The following UNC5D variants were observed in gnomAD, a reference collection of about 807,000 sequenced individuals.
UNC5D encodes netrin receptor UNC5D.
In UNC5D, 39 loss-of-function variants were observed where a neutral mutation model predicts 105.4. The ratio of observed to expected loss-of-function variants is 0.37; its 90% CI spans 0.29 to 0.48. The LOEUF is 0.48. Among genes scored for constraint, UNC5D ranks in the 20% least tolerant of loss-of-function variants. UNC5D has a pLI of 0.98. For missense variants in UNC5D, 991 were observed against 1,202.4 expected, an observed-to-expected ratio of 0.82 and a Z score of 2.60; for synonymous variants, 452 against 450.4, an observed-to-expected ratio of 1.00 and a Z score of -0.04.
At chr8:35,759,523 T>C (rs1801425011) in intron 14 of UNC5D, 54 bp downstream of exon 14, 2 of 1,578,220 alleles carry the variant, frequency 1.3e-6, no homozygotes, top group African/African-American at 1.4e-5. Context: ...CCGGCAAGCA[T>C]GTCACAGATC....
At chr8:35,461,958 C>G (rs1023824667) in intron 1 of UNC5D, among the ~76,000 whole-genome samples, 1 of 152,134 alleles carries the variant, frequency 6.6e-6, no homozygotes, top group Non-Finnish European at 1.5e-5. Flanking sequence ...TTTAGAGGTT[C>G]TTCAGTTCAG....
chr8:35,667,965 C>T (rs1403559630), intron 4 of UNC5D, among the ~76,000 whole-genome samples: 2 of 152,048 alleles, frequency 1.3e-5, no homozygotes, highest in African/African-American at 2.4e-5. Context: ...CTACTGGAGT[C>T]AGTGGAATTT....
intron 4 of UNC5D, among the ~76,000 whole-genome samples, chr8:35,666,350 C>T (rs1328497625): frequency 1.3e-5 from 2 of 150,750 alleles, no homozygotes; most frequent in Non-Finnish European, 2.9e-5. Context: ...TCTTCCAAAG[C>T]GATATTAATA....
At chr8:35,435,044 A>T (rs1242438425) in intron 1 of UNC5D, among the ~76,000 whole-genome samples, 1 of 152,048 alleles carries the variant, frequency 6.6e-6, no homozygotes, top group Admixed American at 6.6e-5. Flanking sequence ...AAAGTTAAAG[A>T]TCTTAAACTT....
chr8:35,417,479 G>A (rs1181515424), intron 1 of UNC5D, among the ~76,000 whole-genome samples: 1 of 151,562 alleles, frequency 6.6e-6, no homozygotes, highest in Non-Finnish European at 1.5e-5. Flanking sequence ...TGGCTAAGGA[G>A]TGGGCTGTAC....
chr8:35,428,346 ATTTTT>A (rs35131097), intron 1 of UNC5D, among the ~76,000 whole-genome samples: 4 of 92,778 alleles, frequency 4.3e-5, no homozygotes, highest in South Asian at 4.0e-4. Flanking sequence ...ATGCCTGGCT[ATTTTT>A]TTTTTTTTTT....
intron 7 of UNC5D, among the ~76,000 whole-genome samples, chr8:35,699,014 TG>T (rs1211327752): frequency 1.3e-5 from 2 of 152,218 alleles, no homozygotes; most frequent in Non-Finnish European, 2.9e-5. Flanking sequence ...CATTGCATTT[TG>T]TCACGTTGAG....
chr8:35,635,629 A>G (rs1215948763), intron 4 of UNC5D, among the ~76,000 whole-genome samples: 1 of 152,166 alleles, frequency 6.6e-6, no homozygotes, highest in Non-Finnish European at 1.5e-5. Context: ...CCTGCCATAA[A>G]TAGCACATGC....
chr8:35,432,129 G>A (rs1806686168), intron 1 of UNC5D, among the ~76,000 whole-genome samples: 1 of 152,014 alleles, frequency 6.6e-6, no homozygotes, highest in African/African-American at 2.4e-5. Flanking sequence ...TGTGACCTTA[G>A]GTAAGTTATT....
At chr8:35,440,328 G>A (rs970155263) in intron 1 of UNC5D, among the ~76,000 whole-genome samples, 3 of 152,064 alleles carry the variant, frequency 2.0e-5, no homozygotes, top group East Asian at 1.9e-4. Context: ...CACTGTTAGC[G>A]AGTGCATTCT....
chr8:35,419,211 C>G (rs1528721), intron 1 of UNC5D, among the ~76,000 whole-genome samples: 64,296 of 152,058 alleles, frequency 0.42, 13,743 homozygotes, highest in East Asian at 0.54. Flanking sequence ...TCTTTTGAAT[C>G]TTTGTGACCA....
In UNC5D at chr8:35,726,497, A is replaced by T; in HGVS notation, c.1649A>T (p.His550Leu). The change falls in exon 10 of 17, where the codon CAT (histidine) becomes CTT (leucine). Residue 550 changes from histidine to leucine, a missense_variant. Physicochemically the swap from His to Leu is moderately conservative, Grantham distance 99. Coordinates refer to ENST00000404895, the MANE Select transcript of UNC5D (RefSeq NM_080872.4). ...TELRTTGVFGHLGGRLVMPNT... is the reference protein window; with the variant it reads ...TELRTTGVFGLLGGRLVMPNT... ...CTGAGGACAACTGGTGTCTTTGGCC[A>T]TTTAGGGGGGCGCTTAGTAATGCCA... is the stretch of plus-strand genomic sequence containing the variant. The T allele has an allele frequency of 6.2e-7, 1 of 1,613,700 alleles. No individual in the cohort carries two copies. Among genetic ancestry groups the T allele is most frequent in the Non-Finnish European group, 8.5e-7 (1 of 1,179,998 alleles).
intron 4 of UNC5D, among the ~76,000 whole-genome samples, chr8:35,639,561 A>C (rs947448494): frequency 1.3e-5 from 2 of 152,158 alleles, no homozygotes; most frequent in Non-Finnish European, 2.9e-5. Flanking sequence ...GTAATATTAA[A>C]TCTTAATCCT....
rs920195740 is a variant in UNC5D at position 35,519,110 on chromosome 8, G to T, written c.104-30182G>T. Among the ~76,000 whole-genome samples, 15 of 151,674 alleles carry T rather than the reference G, an allele frequency of 9.9e-5. No individual in the cohort carries two copies. In the East Asian group the frequency reaches 1.9e-3, roughly 20 times the overall value. On this transcript the variant is annotated intron_variant, in intron 1 of 16. Coordinates refer to ENST00000404895, the MANE Select transcript of UNC5D (RefSeq NM_080872.4). ...ATTTAAAGTACTTTTTTTTCCTTTA[G>T]CCTGCATGAGTCTAGTCTCTTTAGC...
At chr8:35,625,021 T>C (rs1428099060) in intron 4 of UNC5D, among the ~76,000 whole-genome samples, 2 of 152,218 alleles carry the variant, frequency 1.3e-5, no homozygotes, top group African/African-American at 4.8e-5. Context: ...TATGTGTGTA[T>C]GAATCTGAGC....
At chr8:35,703,387 A>C (rs539212196) in intron 7 of UNC5D, among the ~76,000 whole-genome samples, 1 of 152,210 alleles carries the variant, frequency 6.6e-6, no homozygotes, top group Non-Finnish European at 1.5e-5. Context: ...TACTGAGGAC[A>C]CACGGAATGT....
At chr8:35,698,945 A>G (rs560455519) in intron 7 of UNC5D, among the ~76,000 whole-genome samples, 1 of 152,110 alleles carries the variant, frequency 6.6e-6, no homozygotes, top group Non-Finnish European at 1.5e-5. Flanking sequence ...AAAGCAAAAG[A>G]ATTCATAGGT....
At chr8:35,447,548 A>C (rs1236386463) in intron 1 of UNC5D, among the ~76,000 whole-genome samples, 1 of 152,122 alleles carries the variant, frequency 6.6e-6, no homozygotes, top group African/African-American at 2.4e-5. Context: ...TGTTTCTACA[A>C]GTATAAAATG....
chr8:35,475,813 C>A (rs1458296533), intron 1 of UNC5D, among the ~76,000 whole-genome samples: 2 of 152,276 alleles, frequency 1.3e-5, no homozygotes, highest in South Asian at 4.2e-4. Flanking sequence ...TTTTACTGTT[C>A]TGTGCATCTG....
Sources: gnomAD v4.1 joint callset for allele counts (sites outside exome capture counted in the v4.1 genomes callset) on GRCh38, gnomAD v4.1.1 for gene constraint, MANE v1.5 for transcripts, NCBI Gene and HGNC (gene_info 2026-07-23, HGNC 2026-07-21) for gene names.